The following SLC47A2 variants were observed in gnomAD, a reference collection of about 807,000 sequenced individuals.
The protein encoded by SLC47A2 is multidrug and toxin extrusion protein 2.
A neutral mutation model predicts 67.7 loss-of-function variants in SLC47A2; 52 were observed. The ratio of observed to expected loss-of-function variants is 0.77; its 90% confidence interval spans 0.61 to 0.97. The LOEUF is 0.97. Ranked by LOEUF, SLC47A2 falls within the 50% of genes least tolerant of loss-of-function variation. The pLI, the probability that SLC47A2 is intolerant of heterozygous loss-of-function variation, is 0.00. For missense variants in SLC47A2, 676 were observed against 712.3 expected (o/e 0.95, Z 0.58); for synonymous variants, 278 against 292.9 (o/e 0.95, Z 0.52).
intron 13 of SLC47A2, among the ~76,000 whole-genome samples, chr17:19,682,669 A>C (rs368016707): frequency 1.6e-4 from 25 of 152,324 alleles, no homozygotes; most frequent in African/African-American, 6.0e-4. Context: ...TCACACCTGC[A>C]AAGTCCCATT....
intron 2 of SLC47A2, 99 bp from the exon 3 acceptor site, chr17:19,714,888 C>G (rs559017608): frequency 6.6e-7 from 1 of 1,524,104 alleles, no homozygotes; most frequent in Non-Finnish European, 9.1e-7. Context: ...TGCTGCCCAG[C>G]AGGCAGCGGT....
intron 13 of SLC47A2, among the ~76,000 whole-genome samples, chr17:19,693,965 A>G (rs943872379): frequency 2.0e-5 from 3 of 152,240 alleles, no homozygotes; most frequent in Non-Finnish European, 4.4e-5. Context: ...TAATCAAAAA[A>G]TCAATTGATT....
intron 5 of SLC47A2, among the ~76,000 whole-genome samples, chr17:19,712,108 C>T (rs1294520450): frequency 2.0e-5 from 3 of 152,068 alleles, no homozygotes; most frequent in Non-Finnish European, 4.4e-5. Flanking sequence ...CCTGGAGGGC[C>T]GGGCACGGTG....
intron 15 of SLC47A2, among the ~76,000 whole-genome samples, chr17:19,680,990 G>A (rs1231347052): frequency 1.3e-5 from 2 of 152,208 alleles, no homozygotes; most frequent in Middle Eastern, 3.4e-3. Context: ...AAGGTGGGCG[G>A]ATCACGAGGT....
intron 6 of SLC47A2, 113 bp downstream of exon 6, chr17:19,708,603 T>C: frequency 6.3e-7 from 1 of 1,593,294 alleles, no homozygotes; most frequent in Non-Finnish European, 8.6e-7. Context: ...GTGACCCCTT[T>C]CAAGAGCTGG....
intron 15 of SLC47A2, 31 bp downstream of exon 15, chr17:19,681,336 T>C: frequency 6.4e-7 from 1 of 1,552,550 alleles, no homozygotes; most frequent in Non-Finnish European, 8.7e-7. Context: ...GTGCAGGGTG[T>C]CTTGTGGCCA....
upstream of SLC47A2, chr17:19,716,637 C>A: frequency 6.8e-7 from 1 of 1,469,304 alleles, no homozygotes; most frequent in Non-Finnish European, 9.0e-7. Flanking sequence ...CCTGCCTGGG[C>A]AGCCCGTGTC....
In SLC47A2 at chr17:19,678,922, G is replaced by A; in HGVS notation, c.1481-16C>T. On this transcript the variant is annotated splice_polypyrimidine_tract_variant and intron_variant, in intron 16 of 16. Coordinates refer to ENST00000433844, the MANE Select transcript of SLC47A2 (RefSeq NM_001099646.3). ...CCTGTAGCCACTGCGGAAGCAAACA[G>A]GAGCAAACTCAGCAGGTCAGGGGTC... 1 of 1,556,134 alleles carries A rather than the reference G, an allele frequency of 6.4e-7. No individual in the cohort carries two copies. The highest frequency in any genetic ancestry group is 8.7e-7 in the Non-Finnish European group (1 of 1,148,614).
chr17:19,697,191 G>A (rs1033985726), intron 13 of SLC47A2, among the ~76,000 whole-genome samples: 3 of 152,132 alleles, frequency 2.0e-5, no homozygotes, highest in Non-Finnish European at 4.4e-5. Flanking sequence ...CCAGCTACTC[G>A]GGAGGCTGAG....
Position 19,678,707 on chromosome 17 carries a change from C to A in SLC47A2, c.1680G>T (p.Arg560Ser). Residue 560 changes from arginine (R) to serine (S), a missense_variant, in exon 17 of 17, where the codon AGG (arginine) becomes AGT (serine). Coordinates refer to ENST00000433844, the MANE Select transcript of SLC47A2 (RefSeq NM_001099646.3). ...TTTGCTAGTGCCTGGTGGCTAGGAT[C>A]CTGACCGTGAGCCCCACCATCAGTG... Reference protein sequence around the residue: ...SATLMVGLTVRILATRH With the variant: ...SATLMVGLTVSILATRH 1 of 1,612,984 alleles carries A rather than the reference C, an allele frequency of 6.2e-7. No individual in the cohort carries two copies. Among genetic ancestry groups the A allele is most frequent in the African/African-American group, 1.3e-5 (1 of 75,008 alleles).
Position 19,685,784 on chromosome 17 carries a change from CA to C in SLC47A2, c.1165-4115del, listed in dbSNP as rs558472544. Among the ~76,000 whole-genome samples the C allele has an allele frequency of 9.9e-5, 15 of 152,068 alleles. No individual in the cohort carries two copies. The highest frequency in any genetic ancestry group is 7.9e-4 in the Admixed American group (12 of 15,268). On this transcript the variant is annotated intron_variant, in intron 13 of 16. Transcript: ENST00000433844. The surrounding 1 kb of genome is among the most constrained non-coding windows in gnomAD (Gnocchi z 4.5). Reference sequence around the variant, plus strand: ...CACATCCCCCTCTCTGAGAAACACCCAAAAATGATCAATAAATACTAAATAA... The same window carrying C: ...CACATCCCCCTCTCTGAGAAACACCCAAAATGATCAATAAATACTAAATAA...
In SLC47A2 at chr17:19,712,703, C is replaced by T. The variant is rs868163147; in HGVS notation, c.486G>A (p.Pro162=). The change falls in exon 5 of 17, where the codon CCG becomes CCA. Residue 162 remains proline (P), a splice_region_variant and synonymous_variant. Coordinates refer to ENST00000433844, the MANE Select transcript of SLC47A2 (RefSeq NM_001099646.3). ...DYVMIFIPGL[P]VIFLYNLLAK... The stretch of plus-strand genomic sequence containing the variant: ...ACGCTCAGCAAACAGGGGCACCTAC[C>T]GGAAGTCCTGGAATGAAAATCATTA... The T allele has an allele frequency of 5.0e-6, 8 of 1,613,142 alleles. No individual in the cohort carries two copies. Among genetic ancestry groups the T allele is most frequent in the South Asian group, 2.2e-5 (2 of 90,648 alleles).
chr17:19,713,495 C>A (rs78909192), intron 4 of SLC47A2, among the ~76,000 whole-genome samples: 2,633 of 152,302 alleles, frequency 0.017, 34 homozygotes, highest in Middle Eastern at 0.037. Flanking sequence ...AAAATGCACA[C>A]ACTTCATTTC....
chr17:19,710,962 ACCACAC>A (rs1453409744), intron 5 of SLC47A2, among the ~76,000 whole-genome samples: 2 of 151,404 alleles, frequency 1.3e-5, no homozygotes, highest in Non-Finnish European at 2.9e-5. Context: ...GGCATGCGCC[ACCACAC>A]CCGGCTAATT....
chr17:19,690,339 A>G (rs1270484563), intron 13 of SLC47A2, among the ~76,000 whole-genome samples: 2 of 152,178 alleles, frequency 1.3e-5, no homozygotes, highest in Non-Finnish European at 2.9e-5. Context: ...ACTTTGGGAA[A>G]ACTCTCCAGG....
chr17:19,699,863 C>T (rs930660342), intron 13 of SLC47A2, among the ~76,000 whole-genome samples: 76 of 152,186 alleles, frequency 5.0e-4, no homozygotes, highest in African/African-American at 1.8e-3. Flanking sequence ...ATAGCAAAAA[C>T]TAGAAACAAC....
chr17:19,711,588 C>CAAAAAAAAAAAAAAAAAAAAAAAAA (rs35308426), intron 5 of SLC47A2, among the ~76,000 whole-genome samples: 3 of 33,002 alleles, frequency 9.1e-5, no homozygotes, highest in Non-Finnish European at 1.8e-4. Flanking sequence ...AACTCCGTCT[C>CAAAAAAAAAAAAAAAAAAAAAAAAA]AAAAAAAAAA....
At chr17:19,712,612 A>T in intron 5 of SLC47A2, 91 bp downstream of exon 5, 1 of 1,379,500 alleles carries the variant, frequency 7.2e-7, no homozygotes, top group Non-Finnish European at 1.0e-6. Context: ...TCACAGCAGG[A>T]TAGGGATCTT....
At chr17:19,692,940 G>C (rs1332103044) in intron 13 of SLC47A2, among the ~76,000 whole-genome samples, 1 of 152,034 alleles carries the variant, frequency 6.6e-6, no homozygotes, top group Non-Finnish European at 1.5e-5. Context: ...AGACCATCCT[G>C]GCCAACATGG....
Sources: gnomAD v4.1 joint callset for allele counts (sites outside exome capture counted in the v4.1 genomes callset) on GRCh38, gnomAD v4.1.1 for gene constraint, Gnocchi (gnomAD v3.1) non-coding constraint, MANE v1.5 for transcripts, NCBI Gene and HGNC (gene_info 2026-07-23, HGNC 2026-07-21) for gene names.